Variants in CNTNAP5 observed in about 807,000 individuals in gnomAD.
The protein encoded by CNTNAP5 is contactin associated protein family member 5.
CNTNAP5 carries 72 observed loss-of-function variants against 150.2 expected under a neutral mutation model. The ratio of observed to expected loss-of-function variants is 0.48; its 90% CI spans 0.40 to 0.58. CNTNAP5 has a LOEUF of 0.58. Among genes scored for constraint, CNTNAP5 ranks in the 20% least tolerant of loss-of-function variants. The pLI, the probability that CNTNAP5 is intolerant of heterozygous loss-of-function variation, is 0.00. For missense variants in CNTNAP5, 1,636 were observed against 1,626.2 expected (o/e 1.01, Z -0.10); for synonymous variants, 672 against 619.8 (o/e 1.08, Z -1.25).
intron 13 of CNTNAP5, among the ~76,000 whole-genome samples, chr2:124,693,183 C>T (rs1335046820): frequency 6.6e-6 from 1 of 152,068 alleles, no homozygotes; most frequent in African/African-American, 2.4e-5. Context: ...TTTAACCTTC[C>T]TGTGCACCAC....
intron 1 of CNTNAP5, among the ~76,000 whole-genome samples, chr2:124,043,569 A>G (rs962459658): frequency 1.3e-5 from 2 of 151,920 alleles, no homozygotes; most frequent in South Asian, 4.1e-4. Flanking sequence ...ACTTCCCATC[A>G]TCATGTTCTC....
intron 13 of CNTNAP5, among the ~76,000 whole-genome samples, chr2:124,659,499 G>A (rs1678538659): frequency 6.6e-6 from 1 of 152,098 alleles, no homozygotes; most frequent in Non-Finnish European, 1.5e-5. Context: ...GCCATCATCA[G>A]GAAAGGTAAT....
chr2:124,655,172 G>A (rs938598666), intron 13 of CNTNAP5, among the ~76,000 whole-genome samples: 1 of 152,036 alleles, frequency 6.6e-6, no homozygotes, highest in Non-Finnish European at 1.5e-5. Context: ...GAGCCCCAGT[G>A]TGTGATGTTT....
chr2:124,425,152 C>T (rs973672616), intron 4 of CNTNAP5, among the ~76,000 whole-genome samples: 2 of 152,090 alleles, frequency 1.3e-5, no homozygotes, highest in South Asian at 2.1e-4. Context: ...AGTGATTGAC[C>T]GTGACTCCCC....
At chr2:124,793,315 T>G (rs532398821) in intron 18 of CNTNAP5, among the ~76,000 whole-genome samples, 1 of 152,352 alleles carries the variant, frequency 6.6e-6, no homozygotes, top group East Asian at 1.9e-4. Flanking sequence ...CTGTGCTTAT[T>G]GTCCATTTGT....
At chr2:124,213,527 C>CA (rs1686075357) in intron 1 of CNTNAP5, among the ~76,000 whole-genome samples, 2 of 151,968 alleles carry the variant, frequency 1.3e-5, no homozygotes, top group African/African-American at 4.8e-5. Context: ...AATACCAGGG[C>CA]AAAAAAAGAA....
At chr2:124,373,137 T>C (rs1031591181) in intron 3 of CNTNAP5, among the ~76,000 whole-genome samples, 4 of 152,176 alleles carry the variant, frequency 2.6e-5, no homozygotes, top group African/African-American at 9.6e-5. Context: ...TGACATTAGC[T>C]TGGAGTCTCA....
intron 1 of CNTNAP5, among the ~76,000 whole-genome samples, chr2:124,176,280 A>T (rs2104672057): frequency 6.6e-6 from 1 of 152,330 alleles, no homozygotes; most frequent in South Asian, 2.1e-4. Flanking sequence ...TTCTGGGGGA[A>T]CATGAATTAA....
chr2:124,706,838 GGGAGGAA>G (rs1253557804), intron 13 of CNTNAP5, among the ~76,000 whole-genome samples: 6 of 5,356 alleles, frequency 1.1e-3, no homozygotes, highest in Non-Finnish European at 1.5e-3. Flanking sequence ...GAGGAGGAGG[GGGAGGAA>G]GGAGGAGGAG....
chr2:124,544,626 A>G (rs1012203341), intron 10 of CNTNAP5, among the ~76,000 whole-genome samples: 4 of 152,200 alleles, frequency 2.6e-5, no homozygotes, highest in African/African-American at 9.7e-5. Context: ...ACATCTTGTT[A>G]CTATTGGTAA....
chr2:124,081,717 G>A (rs552925997), intron 1 of CNTNAP5, among the ~76,000 whole-genome samples: 1 of 152,246 alleles, frequency 6.6e-6, no homozygotes, highest in South Asian at 2.1e-4. Flanking sequence ...TTTTTACAAG[G>A]AGGACTAGCA....
intron 13 of CNTNAP5, among the ~76,000 whole-genome samples, chr2:124,687,866 C>T (rs1253965773): frequency 2.0e-5 from 3 of 151,998 alleles, no homozygotes; most frequent in Non-Finnish European, 4.4e-5. Context: ...TAAATTTGCC[C>T]TGTTTTGTTA....
chr2:124,025,919 G>C (rs548543972), intron 1 of CNTNAP5, among the ~76,000 whole-genome samples, 187 bp downstream of exon 1: 1 of 152,158 alleles, frequency 6.6e-6, no homozygotes, highest in African/African-American at 2.4e-5. Context: ...TGAGCCAACC[G>C]TGCTGGATTT....
chr2:124,210,392 A>C (rs1685975643), intron 1 of CNTNAP5, among the ~76,000 whole-genome samples: 1 of 152,202 alleles, frequency 6.6e-6, no homozygotes, highest in Admixed American at 6.5e-5. Context: ...TCAGGATAAC[A>C]AAATAGATTG....
intron 6 of CNTNAP5, among the ~76,000 whole-genome samples, chr2:124,450,524 G>A (rs1370900746): frequency 2.3e-5 from 3 of 129,822 alleles, no homozygotes; most frequent in African/African-American, 9.1e-5. Context: ...TGCCCAGAAG[G>A]CAAACAGACA....
chr2:124,239,681 C>A (rs1042296660), intron 2 of CNTNAP5, among the ~76,000 whole-genome samples: 1 of 140,594 alleles, frequency 7.1e-6, no homozygotes, highest in Middle Eastern at 3.6e-3. Flanking sequence ...TGAGAGGGGA[C>A]CATTTCAACA....
intron 10 of CNTNAP5, among the ~76,000 whole-genome samples, chr2:124,530,094 C>T (rs1285328379): frequency 6.6e-6 from 1 of 152,150 alleles, no homozygotes; most frequent in African/African-American, 2.4e-5. Flanking sequence ...GGCAGATTAA[C>T]TGAAGCCAGA....
intron 12 of CNTNAP5, among the ~76,000 whole-genome samples, chr2:124,636,121 C>T (rs1048240390): frequency 2.0e-5 from 3 of 152,120 alleles, no homozygotes; most frequent in African/African-American, 4.8e-5. Context: ...AAACATCTAC[C>T]AAGTTAGTTA....
chr2:124,121,695 G>A (rs1683565723), intron 1 of CNTNAP5, among the ~76,000 whole-genome samples: 2 of 152,078 alleles, frequency 1.3e-5, no homozygotes, highest in South Asian at 2.1e-4. Flanking sequence ...GGAACTCCTT[G>A]CCCCATCCCC....
Sources: allele counts gnomAD v4.1 joint callset (sites outside exome capture counted in the v4.1 genomes callset), GRCh38; gene constraint gnomAD v4.1.1; transcripts MANE v1.5; gene names NCBI Gene and HGNC (gene_info 2026-07-23, HGNC 2026-07-21).